MYH11: variants seen among roughly 807,000 people sequenced by gnomAD.
MYH11 encodes the protein myosin-11.
In MYH11, 80 loss-of-function variants were observed where a neutral mutation model predicts 246.6. That is an observed-to-expected ratio of 0.32 (90% CI 0.27 to 0.39). MYH11 has a LOEUF of 0.39. Ranked by LOEUF, MYH11 falls within the 10% of genes least tolerant of loss-of-function variation. The pLI is 1.00. For missense variants in MYH11, 2,158 were observed against 2,546.8 expected, an observed-to-expected ratio of 0.85 and a Z score of 3.29; for synonymous variants, 1,071 against 1,015.5, an observed-to-expected ratio of 1.05 and a Z score of -1.04.
At chr16:15,831,464 G>GGTGTGTAT (rs2043735287) in intron 2 of MYH11, among the ~76,000 whole-genome samples, 1 of 145,588 alleles carries the variant, frequency 6.9e-6, no homozygotes, top group Non-Finnish European at 1.5e-5. Flanking sequence ...TTATGTTTGG[G>GGTGTGTAT]GTGTGTGTGT....
intron 20 of MYH11, among the ~76,000 whole-genome samples, chr16:15,744,824 T>C (rs1874011513): frequency 1.3e-5 from 2 of 152,200 alleles, no homozygotes; most frequent in African/African-American, 4.8e-5. Flanking sequence ...CCATCAAAAT[T>C]ACAGAACTGG....
intron 20 of MYH11, among the ~76,000 whole-genome samples, chr16:15,744,450 C>A (rs913577237): frequency 2.0e-5 from 3 of 151,872 alleles, no homozygotes; most frequent in Admixed American, 6.6e-5. Context: ...GCCTCGGCCT[C>A]CCAAAGTGCT....
intron 31 of MYH11, among the ~76,000 whole-genome samples, chr16:15,723,578 G>T: frequency 6.6e-6 from 1 of 152,178 alleles, no homozygotes; most frequent in East Asian, 1.9e-4. Context: ...ACCCAGTGGT[G>T]GAGGTTGCGG....
At chr16:15,776,368 C>CA (rs1037975615) in intron 7 of MYH11, among the ~76,000 whole-genome samples, 192 bp from the exon 8 acceptor site, 8 of 149,892 alleles carry the variant, frequency 5.3e-5, no homozygotes, top group African/African-American at 7.4e-5. Context: ...ACTTCAGATG[C>CA]AAAAAAAAGG....
At chr16:15,724,066 G>A (rs1473846990) in intron 31 of MYH11, 95 bp downstream of exon 31, 40 of 1,589,680 alleles carry the variant, frequency 2.5e-5, no homozygotes, top group Non-Finnish European at 3.4e-5. Context: ...GAGAGGGGAT[G>A]CAGGCACAGG....
At chr16:15,804,399 G>A (rs1448358671) in intron 3 of MYH11, among the ~76,000 whole-genome samples, 2 of 152,082 alleles carry the variant, frequency 1.3e-5, no homozygotes, top group East Asian at 3.9e-4. Context: ...GTGCACACCT[G>A]TAATCCCAGC....
At chr16:15,726,763 C>T in intron 28 of MYH11, 85 bp downstream of exon 28, 3 of 1,511,422 alleles carry the variant, frequency 2.0e-6, no homozygotes, top group Non-Finnish European at 1.8e-6. Flanking sequence ...GCAAGAGAGA[C>T]CTCAGCGAGC....
chr16:15,718,628 C>T (rs551751231), intron 36 of MYH11, 190 bp from the exon 37 acceptor site: 47 of 834,366 alleles, frequency 5.6e-5, no homozygotes, highest in South Asian at 4.4e-4. Flanking sequence ...AGGCCGGGTC[C>T]GTGTCAGCAA....
intron 35 of MYH11, 124 bp downstream of exon 35, chr16:15,719,461 C>G: frequency 6.5e-7 from 1 of 1,532,898 alleles, no homozygotes; most frequent in Non-Finnish European, 8.9e-7. Context: ...AAGCGTGTGT[C>G]TTTCTAGACA....
At position 15,763,826 on chromosome 16, in the gene MYH11, T is replaced by C. The variant is rs757236070; in HGVS notation, c.1099A>G (p.Thr367Ala). 1.1e-5 allele frequency: 17 copies of C among 1,488,176 alleles called. No homozygotes were observed. The highest frequency in any genetic ancestry group is 1.5e-5 in the African/African-American group (1 of 68,632). 92.2% of individuals were successfully genotyped at this position (1,488,176 alleles called of 1,614,324 possible). The change falls in exon 10 of 41, where the codon ACA becomes GCA. Residue 367 changes from threonine (T) to alanine (A), a missense_variant. Physicochemically the swap from Thr to Ala is moderately conservative, Grantham distance 58. Around this residue, in one of 11 missense-constraint regions of MYH11, gnomAD observed 317 missense variants for 507.7 expected, o/e 0.62. Coordinates refer to ENST00000300036, the MANE Select transcript of MYH11 (RefSeq NM_002474.3). ...GNIVFKKERN[T>A]DQASMPDNTA... ...TTATCTGGCATGGACGCCTGGTCTG[T>C]GTTTCTTTCCTTCTTGAAGACGATA... is the stretch of plus-strand genomic sequence containing the variant.
At chr16:15,715,385 C>A in intron 38 of MYH11, 113 bp from the exon 39 acceptor site, 3 of 914,140 alleles carry the variant, frequency 3.3e-6, no homozygotes, top group Non-Finnish European at 5.4e-6. Flanking sequence ...TATCTGGACT[C>A]CTCTCAAGAA....
intron 26 of MYH11, among the ~76,000 whole-genome samples, chr16:15,734,810 T>A (rs182726495): frequency 7.9e-5 from 12 of 152,296 alleles, no homozygotes; most frequent in African/African-American, 2.9e-4. Context: ...CCAAGACAAA[T>A]CTTTTTCTTC....
intron 3 of MYH11, among the ~76,000 whole-genome samples, chr16:15,809,281 C>T (rs1277094921): frequency 6.6e-6 from 1 of 152,114 alleles, no homozygotes; most frequent in African/African-American, 2.4e-5. Flanking sequence ...TCTGTAATTC[C>T]AGCACTTTGG....
chr16:15,813,394 T>C lies in MYH11; in HGVS notation c.502+9861A>G, dbSNP rs1263710781. Among the ~76,000 whole-genome samples, 7 of 152,158 alleles carry C rather than the reference T, an allele frequency of 4.6e-5. No individual in the cohort carries two copies. The East Asian group carries it at 1.3e-3, about 29-fold the overall frequency. On this transcript the variant is annotated intron_variant, in intron 3 of 40. Transcript: ENST00000300036. ...ACAATTTTGTCAGCCTTCTTTACTT[T>C]ATAATTTAATTTTTTTTTATGACAT...
At chr16:15,772,087 CT>C (rs35008322) in intron 8 of MYH11, among the ~76,000 whole-genome samples, 3,481 of 105,880 alleles carry the variant, frequency 0.033, 26 homozygotes, top group East Asian at 0.12. Flanking sequence ...AACCTTTACT[CT>C]TTTTTTTTTT....
chr16:15,776,835 C>T (rs1052981144), intron 7 of MYH11, among the ~76,000 whole-genome samples: 1 of 152,060 alleles, frequency 6.6e-6, no homozygotes, highest in Non-Finnish European at 1.5e-5. Flanking sequence ...GGAGGGAGAG[C>T]AGAGGGGAGG....
chr16:15,825,347 G>A (rs561819873), intron 2 of MYH11, among the ~76,000 whole-genome samples: 53 of 143,270 alleles, frequency 3.7e-4, no homozygotes, highest in African/African-American at 1.3e-3. Context: ...CTAAGTGTTT[G>A]AGACCAGCTC....
intron 2 of MYH11, among the ~76,000 whole-genome samples, 191 bp from the exon 3 acceptor site, chr16:15,823,602 A>G (rs2043475742): frequency 6.6e-6 from 1 of 151,920 alleles, no homozygotes; most frequent in Non-Finnish European, 1.5e-5. Flanking sequence ...CAAGCTGCCT[A>G]TGTTTTATTT....
At chr16:15,826,044 G>C (rs1047385581) in intron 2 of MYH11, among the ~76,000 whole-genome samples, 16 of 152,144 alleles carry the variant, frequency 1.1e-4, no homozygotes, top group Non-Finnish European at 2.9e-5. Context: ...GATCCTGGCA[G>C]CACCAAGCCC....
Sources: gnomAD v4.1 joint callset for allele counts (sites outside exome capture counted in the v4.1 genomes callset) on GRCh38, gnomAD v4.1.1 for gene constraint, gnomAD v4.1.1 regional missense constraint, MANE v1.5 for transcripts, NCBI Gene and HGNC (gene_info 2026-07-23, HGNC 2026-07-21) for gene names.